Variants in CDH13 observed in about 807,000 individuals in gnomAD.
The protein encoded by CDH13 is cadherin-13.
CDH13 carries 24 observed loss-of-function variants against 63.8 expected under a neutral mutation model. The observed-to-expected ratio is 0.38, with a 90% CI of 0.27 to 0.53. The LOEUF is 0.53. Among genes scored for constraint, CDH13 ranks in the 20% least tolerant of loss-of-function variants. The probability of loss-of-function intolerance (pLI) is 0.85; values close to 1 mark genes in which losing one functional copy is unlikely to be tolerated. For missense variants in CDH13, 1,049 were observed against 903.1 expected, an observed-to-expected ratio of 1.16 and a Z score of -2.07; for synonymous variants, 503 against 355.3, an observed-to-expected ratio of 1.42 and a Z score of -4.67.
intron 1 of CDH13, among the ~76,000 whole-genome samples, chr16:82,638,372 C>T (rs997451452): frequency 1.3e-5 from 2 of 152,192 alleles, no homozygotes; most frequent in Admixed American, 1.3e-4. Flanking sequence ...ACTGTGTTGC[C>T]TCAGATAATT....
At chr16:83,042,694 A>T (rs1186661418) in intron 3 of CDH13, among the ~76,000 whole-genome samples, 1 of 152,188 alleles carries the variant, frequency 6.6e-6, no homozygotes, top group Non-Finnish European at 1.5e-5. Context: ...GCTCTAAATA[A>T]TTCCTGAAAA....
intron 6 of CDH13, among the ~76,000 whole-genome samples, chr16:83,442,990 A>C (rs184785001): frequency 6.6e-6 from 1 of 152,336 alleles, no homozygotes; most frequent in African/African-American, 2.4e-5. Flanking sequence ...ATTTAGTGAG[A>C]TTGAACTCTC....
intron 6 of CDH13, among the ~76,000 whole-genome samples, chr16:83,470,734 C>G (rs2073432556): frequency 6.6e-6 from 1 of 152,216 alleles, no homozygotes; most frequent in African/African-American, 2.4e-5. Context: ...CGTCCTCTGC[C>G]TCTCATTTGC....
intron 6 of CDH13, among the ~76,000 whole-genome samples, chr16:83,411,015 T>C (rs537354244): frequency 6.6e-6 from 1 of 152,328 alleles, no homozygotes; most frequent in African/African-American, 2.4e-5. Context: ...TGCGTGCTTT[T>C]TCTCTCCCAT....
intron 5 of CDH13, among the ~76,000 whole-genome samples, chr16:83,235,557 C>G (rs1156949926): frequency 6.8e-6 from 1 of 147,292 alleles, no homozygotes; most frequent in Non-Finnish European, 1.5e-5. Flanking sequence ...TTTGCCAATG[C>G]TCATTTTTTA....
chr16:82,894,836 T>C (rs534543945), intron 2 of CDH13, among the ~76,000 whole-genome samples: 2 of 152,256 alleles, frequency 1.3e-5, no homozygotes, highest in African/African-American at 4.8e-5. Flanking sequence ...TGTGTGAGTG[T>C]GCTCTAACCA....
At chr16:82,909,252 ATGTGTGTGTGTGTGTGTGTG>A (rs10527714) in intron 2 of CDH13, among the ~76,000 whole-genome samples, 5 of 146,840 alleles carry the variant, frequency 3.4e-5, no homozygotes, top group Admixed American at 6.8e-5. Flanking sequence ...CTGACTGTAT[ATGTGTGTGTGTGTGTGTGTG>A]TGTGTGTGTG....
At chr16:83,544,005 A>T (rs1374490391) in intron 7 of CDH13, among the ~76,000 whole-genome samples, 1 of 152,132 alleles carries the variant, frequency 6.6e-6, no homozygotes, top group Non-Finnish European at 1.5e-5. Flanking sequence ...AGCTGTTTGG[A>T]TCAGAGGGAA....
chr16:83,508,119 A>AAGGAAGGAAGGGAGGG (rs1567722339), intron 7 of CDH13, among the ~76,000 whole-genome samples: 1 of 75,536 alleles, frequency 1.3e-5, no homozygotes, highest in Non-Finnish European at 2.6e-5. Context: ...AAAAGGAAGG[A>AAGGAAGGAAGGGAGGG]AGGGAGGAAG....
chr16:83,629,768 C>A lies in CDH13; in HGVS notation c.1101+27174C>A, dbSNP rs112953334. On this transcript the variant is annotated intron_variant, in intron 8 of 13. Coordinates refer to ENST00000567109, the MANE Select transcript of CDH13 (RefSeq NM_001257.5). ...TCTCTTCAAGACTATTCAATGAGAGCAAGGCAGTGGAACACCCAGCATCCA... is the reference window on the plus strand; with the variant it reads ...TCTCTTCAAGACTATTCAATGAGAGAAAGGCAGTGGAACACCCAGCATCCA... Among the ~76,000 whole-genome samples the A allele has an allele frequency of 7.6e-4, 116 of 152,296 alleles. 1 individual carries two copies. Among genetic ancestry groups the A allele is most frequent in the Middle Eastern group, 6.8e-3 (2 of 294 alleles).
intron 2 of CDH13, among the ~76,000 whole-genome samples, chr16:82,944,997 T>C (rs1231683002): frequency 6.6e-6 from 1 of 152,220 alleles, no homozygotes; most frequent in African/African-American, 2.4e-5. Context: ...ACTGGTAATC[T>C]GACAGTCTGA....
intron 5 of CDH13, among the ~76,000 whole-genome samples, chr16:83,331,037 A>C (rs1285008307): frequency 6.6e-6 from 1 of 152,152 alleles, no homozygotes; most frequent in Non-Finnish European, 1.5e-5. Flanking sequence ...ATTTTCTGTG[A>C]GATGGTTCCT....
intron 10 of CDH13, among the ~76,000 whole-genome samples, chr16:83,681,954 TCTTC>T (rs1254874273): frequency 6.6e-6 from 1 of 152,202 alleles, no homozygotes; most frequent in African/African-American, 2.4e-5. Context: ...GGAAAAGAAC[TCTTC>T]CTTCTTCTCC....
At chr16:83,486,240 C>T (rs2073885973) in intron 6 of CDH13, among the ~76,000 whole-genome samples, 1 of 152,156 alleles carries the variant, frequency 6.6e-6, no homozygotes, top group African/African-American at 2.4e-5. Flanking sequence ...TAAGCAGTCA[C>T]TCTGCTGAAC....
intron 4 of CDH13, among the ~76,000 whole-genome samples, chr16:83,183,803 G>A (rs2038423631): frequency 6.6e-6 from 1 of 152,110 alleles, no homozygotes. Context: ...GCAGTGTTTG[G>A]CAAAAGTTTT....
chr16:83,115,304 G>A (rs1489276749), intron 3 of CDH13, among the ~76,000 whole-genome samples: 1 of 152,198 alleles, frequency 6.6e-6, no homozygotes, highest in Non-Finnish European at 1.5e-5. Context: ...TGGATTAAGT[G>A]AGATAATCAT....
At chr16:82,774,321 C>G (rs2035392477) in intron 1 of CDH13, among the ~76,000 whole-genome samples, 2 of 36,972 alleles carry the variant, frequency 5.4e-5, no homozygotes, top group African/African-American at 9.0e-5. Flanking sequence ...GACTTCAGTT[C>G]ATTTTTTTTT....
At position 83,780,298 on chromosome 16, in the gene CDH13, T is replaced by C. The variant is rs1915430276; in HGVS notation, c.1915+97T>C. 4 of 750,908 alleles carry C rather than the reference T, an allele frequency of 5.3e-6. No individual in the cohort carries two copies. The South Asian group carries it at 6.1e-5, about 11-fold the overall frequency. 46.5% of individuals were successfully genotyped at this position (750,908 alleles called of 1,614,324 possible). The stretch of plus-strand genomic sequence containing the variant: ...TTCTCTACTGTTCTCTCAAGTATTC[T>C]CATTTGGTTCATTTTAAGTTATTGG... On this transcript the variant is annotated intron_variant, in intron 12 of 13. Transcript: ENST00000567109.
At chr16:83,160,460 C>A (rs915252548) in intron 4 of CDH13, among the ~76,000 whole-genome samples, 2 of 152,134 alleles carry the variant, frequency 1.3e-5, no homozygotes, top group Admixed American at 6.5e-5. Context: ...AGGGTGGGAG[C>A]TTGGCTTTAT....
Sources: gnomAD v4.1 joint callset for allele counts (sites outside exome capture counted in the v4.1 genomes callset) on GRCh38, gnomAD v4.1.1 for gene constraint, MANE v1.5 for transcripts, NCBI Gene and HGNC (gene_info 2026-07-23, HGNC 2026-07-21) for gene names.